Variants in OLA1 observed in about 807,000 individuals in gnomAD.
OLA1 encodes the protein obg-like ATPase 1.
Under a neutral mutation model 48.4 loss-of-function variants are expected in OLA1, and 14 were observed. The ratio of observed to expected loss-of-function variants is 0.29; its 90% CI spans 0.19 to 0.45. The LOEUF (loss-of-function observed/expected upper bound fraction) is 0.45. Among genes scored for constraint, OLA1 ranks in the 20% least tolerant of loss-of-function variants. The pLI is 1.00. For missense variants in OLA1, 325 were observed against 467.1 expected (o/e 0.70, Z 2.80); for synonymous variants, 127 against 150.4 (o/e 0.84, Z 1.14).
chr2:174,223,380 A>T (rs993049595), intron 3 of OLA1, among the ~76,000 whole-genome samples: 2 of 152,192 alleles, frequency 1.3e-5, no homozygotes, highest in African/African-American at 4.8e-5. Flanking sequence ...GAGAAAACTA[A>T]AACAGAATAA....
chr2:174,141,795 T>C (rs781241056), intron 5 of OLA1, 30 bp downstream of exon 5: 23 of 1,504,946 alleles, frequency 1.5e-5, no homozygotes, highest in Non-Finnish European at 2.1e-5. Flanking sequence ...AACTCTTGAG[T>C]ATCTAAAGAA....
chr2:174,111,585 G>GTACATA lies in OLA1; in HGVS notation c.728+11589_728+11594dup, dbSNP rs531077123. On this transcript the variant is annotated intron_variant, in intron 7 of 10. Transcript: ENST00000284719. Reference sequence around the variant, plus strand: ...AGTTTTGCCCGACCTGGATGTACATGTACATATACATATACATATACGTAT... The same window carrying GTACATA: ...AGTTTTGCCCGACCTGGATGTACATGTACATATACATATACATATACATATACGTAT... Among the ~76,000 whole-genome samples the GTACATA allele has an allele frequency of 2.4e-4, 36 of 152,226 alleles. No homozygotes were observed. The South Asian group carries it at 3.1e-3, about 13-fold the overall frequency.
rs544086987 is a variant in OLA1 at position 174,100,129 on chromosome 2, T to C, written c.729-18065A>G. 8.3e-4 allele frequency among the ~76,000 whole-genome samples: 127 copies of C among 152,326 alleles called. 1 individual carries two copies. The highest frequency in any genetic ancestry group is 2.6e-3 in the African/African-American group (108 of 41,578). ...AGAAACACTGGGGGACCTGGATCAA[T>C]AATATGTAGTACATCAAAATAATAA... is the stretch of plus-strand genomic sequence containing the variant. On this transcript the variant is annotated intron_variant, in intron 7 of 10. Coordinates refer to ENST00000284719, the MANE Select transcript of OLA1 (RefSeq NM_013341.5).
At chr2:174,178,982 C>T (rs1426849012) in intron 4 of OLA1, among the ~76,000 whole-genome samples, 3 of 151,758 alleles carry the variant, frequency 2.0e-5, no homozygotes, top group African/African-American at 7.3e-5. Context: ...TTCTTACTTG[C>T]CTTATTTTGT....
chr2:174,115,047 C>G (rs1407996611), intron 7 of OLA1, among the ~76,000 whole-genome samples: 1 of 152,000 alleles, frequency 6.6e-6, no homozygotes, highest in African/African-American at 2.4e-5. Flanking sequence ...GATTGCACCA[C>G]TGCACTCCAG....
intron 4 of OLA1, among the ~76,000 whole-genome samples, chr2:174,168,784 T>C (rs1687229299): frequency 1.3e-5 from 2 of 151,184 alleles, no homozygotes; most frequent in Admixed American, 1.3e-4. Context: ...TATCTATCTA[T>C]CTATCTATCT....
intron 2 of OLA1, among the ~76,000 whole-genome samples, chr2:174,239,448 T>C (rs1294129790): frequency 6.6e-6 from 1 of 152,076 alleles, no homozygotes. Flanking sequence ...TGAAATTAAT[T>C]ATGAGGAAAC....
intron 4 of OLA1, among the ~76,000 whole-genome samples, chr2:174,150,835 A>C (rs1382597723): frequency 6.6e-6 from 1 of 152,232 alleles, no homozygotes; most frequent in Non-Finnish European, 1.5e-5. Flanking sequence ...AGGGAGAGCA[A>C]TATTCACTAG....
At chr2:174,190,944 CAAAAAAAAAAAA>C (rs774971306) in intron 4 of OLA1, among the ~76,000 whole-genome samples, 5 of 32,908 alleles carry the variant, frequency 1.5e-4, no homozygotes, top group African/African-American at 5.1e-4. Context: ...GACTTCGTCT[CAAAAAAAAAAAA>C]AAAAAAAAAA....
intron 3 of OLA1, among the ~76,000 whole-genome samples, chr2:174,224,396 C>A (rs1402138759): frequency 2.0e-5 from 3 of 152,144 alleles, no homozygotes; most frequent in Non-Finnish European, 4.4e-5. Flanking sequence ...CATGTAGCTC[C>A]GGCCTTCACT....
chr2:174,210,691 G>C (rs1467569650), intron 4 of OLA1, among the ~76,000 whole-genome samples: 1 of 152,114 alleles, frequency 6.6e-6, no homozygotes, highest in Non-Finnish European at 1.5e-5. Context: ...GCAAGTAGAT[G>C]ACTACTGATT....
Position 174,118,223 on chromosome 2 carries a change from A to G in OLA1, c.728+4957T>C, listed in dbSNP as rs575583724. Reference sequence around the variant, plus strand: ...GGCCCCTCCTCCAACACTGGGAATTATAATTCAACATGAGATTCGGGCAGA... The same window carrying G: ...GGCCCCTCCTCCAACACTGGGAATTGTAATTCAACATGAGATTCGGGCAGA... On this transcript the variant is annotated intron_variant, in intron 7 of 10. Transcript: ENST00000284719. Among the ~76,000 whole-genome samples the G allele has an allele frequency of 3.2e-4, 49 of 152,326 alleles. No homozygotes were observed. In the South Asian group the frequency reaches 0.01, roughly 32 times the overall value.
At chr2:174,140,902 A>G (rs1222219579) in intron 5 of OLA1, among the ~76,000 whole-genome samples, 1 of 151,696 alleles carries the variant, frequency 6.6e-6, no homozygotes. Context: ...TTCTCTTACT[A>G]GTTTCATTTT....
chr2:174,229,350 T>C lies in OLA1; in HGVS notation c.203A>G (p.Asp68Gly). Residue 68 changes from aspartate (D) to glycine (G), a missense_variant, in exon 3 of 11, where the codon GAT (aspartate) becomes GGT (glycine). Coordinates refer to ENST00000284719, the MANE Select transcript of OLA1 (RefSeq NM_013341.5). ...TTGACAAAGAAAGTCAAACCTTTCA[T>C]CTGGCACAGGTACTCTGCTCTCATT... ...DPNESRVPVP[D>G]ERFDFLCQYH... 6.2e-7 allele frequency: 1 copy of C among 1,612,812 alleles called. No homozygotes were observed. The highest frequency in any genetic ancestry group is 8.5e-7 in the Non-Finnish European group (1 of 1,179,922).
intron 5 of OLA1, among the ~76,000 whole-genome samples, chr2:174,124,580 G>GT (rs1558965317): frequency 1.6e-4 from 24 of 152,294 alleles, no homozygotes; most frequent in South Asian, 4.1e-4. Context: ...TTAATAAAAG[G>GT]CTCTGGGGTC....
At chr2:174,246,333 C>T (rs544157564) in intron 2 of OLA1, among the ~76,000 whole-genome samples, 80 of 151,900 alleles carry the variant, frequency 5.3e-4, no homozygotes, top group African/African-American at 1.7e-3. Flanking sequence ...GAAAATATTA[C>T]AAAACTCAAA....
At chr2:174,103,480 T>C (rs1685444871) in intron 7 of OLA1, among the ~76,000 whole-genome samples, 1 of 152,182 alleles carries the variant, frequency 6.6e-6, no homozygotes, top group Non-Finnish European at 1.5e-5. Flanking sequence ...AAAAATATCC[T>C]GATCTATTAT....
intron 4 of OLA1, among the ~76,000 whole-genome samples, chr2:174,220,199 A>G (rs1450347194): frequency 6.6e-6 from 1 of 152,114 alleles, no homozygotes; most frequent in African/African-American, 2.4e-5. Flanking sequence ...GGTGAACTTA[A>G]TCACATCCCT....
At chr2:174,173,286 A>G (rs745836314) in intron 4 of OLA1, among the ~76,000 whole-genome samples, 1 of 151,536 alleles carries the variant, frequency 6.6e-6, no homozygotes, top group East Asian at 2.0e-4. Flanking sequence ...AATTCCAGCA[A>G]TAAGAAATTA....
Sources: allele counts gnomAD v4.1 joint callset (sites outside exome capture counted in the v4.1 genomes callset), GRCh38; gene constraint gnomAD v4.1.1; transcripts MANE v1.5; gene names NCBI Gene and HGNC (gene_info 2026-07-23, HGNC 2026-07-21).